Variants in CDK5RAP2 observed in about 807,000 individuals in gnomAD.
CDK5RAP2 encodes CDK5 regulatory subunit associated protein 2.
Under a neutral mutation model 232.9 loss-of-function variants are expected in CDK5RAP2, and 147 were observed. The ratio of observed to expected loss-of-function variants is 0.63; its 90% CI spans 0.55 to 0.72. The LOEUF (loss-of-function observed/expected upper bound fraction) is 0.72. Among genes scored for constraint, CDK5RAP2 ranks in the 30% least tolerant of loss-of-function variants. The probability of loss-of-function intolerance (pLI) is 0.00; values close to 1 mark genes in which losing one functional copy is unlikely to be tolerated. For synonymous variants in CDK5RAP2, 833 were observed against 833.7 expected, an observed-to-expected ratio of 1.00 and a Z score of 0.01; for missense variants, 2,195 against 2,231.5, an observed-to-expected ratio of 0.98 and a Z score of 0.33.
chr9:120,576,275 T>G lies in CDK5RAP2; in HGVS notation c.59+3645A>C, dbSNP rs557919900. Among the ~76,000 whole-genome samples, 11 of 152,354 alleles carry G rather than the reference T, an allele frequency of 7.2e-5. No homozygotes were observed. In the South Asian group the frequency reaches 2.1e-3, roughly 29 times the overall value. ...AATAGATGACAAGAAGTGGAATTGCTGGGTCAAAATATATTCACGTTTTTT... is the reference window on the plus strand; with the variant it reads ...AATAGATGACAAGAAGTGGAATTGCGGGGTCAAAATATATTCACGTTTTTT... On this transcript the variant is annotated intron_variant, in intron 1 of 37. Transcript: ENST00000349780.
At chr9:120,450,117 T>A (rs1267954253) in intron 21 of CDK5RAP2, among the ~76,000 whole-genome samples, 3 of 152,178 alleles carry the variant, frequency 2.0e-5, no homozygotes, top group African/African-American at 7.2e-5. Flanking sequence ...CAAATGTGCA[T>A]CAACTAATGA....
intron 12 of CDK5RAP2, among the ~76,000 whole-genome samples, chr9:120,506,709 G>A (rs1364448168): frequency 6.6e-6 from 1 of 152,182 alleles, no homozygotes; most frequent in Non-Finnish European, 1.5e-5. Context: ...GAAATAGCAA[G>A]AGAACTAGAA....
chr9:120,448,247 TC>T, intron 21 of CDK5RAP2, 121 bp from the exon 22 acceptor site: 1 of 810,792 alleles, frequency 1.2e-6, no homozygotes, highest in Non-Finnish European at 2.1e-6. Flanking sequence ...GACTTCTCGT[TC>T]CCATAATGGC....
In CDK5RAP2 at chr9:120,407,013, G is replaced by GT; in HGVS notation, c.4961dup (p.His1654GlnfsTer4). 6.2e-7 allele frequency: 1 copy of GT among 1,610,004 alleles called. No homozygotes were observed. The highest frequency in any genetic ancestry group is 8.5e-7 in the Non-Finnish European group (1 of 1,176,272). On this transcript the variant is annotated frameshift_variant and splice_region_variant, in exon 32 of 38. Coordinates refer to ENST00000349780, the MANE Select transcript of CDK5RAP2 (RefSeq NM_018249.6). LOFTEE classifies it high-confidence loss of function. ...AGTGGGGAGAGGCAGGGGCAGTACC[G>GT]TGTTTGTCAGGCTGAAGGGGCACCT...
At chr9:120,554,371 T>C (rs1206596411) in intron 3 of CDK5RAP2, among the ~76,000 whole-genome samples, 1 of 152,232 alleles carries the variant, frequency 6.6e-6, no homozygotes, top group East Asian at 1.9e-4. Context: ...CACATTATAG[T>C]TCATGCATCT....
chr9:120,463,717 C>G (rs2037216701), intron 18 of CDK5RAP2, among the ~76,000 whole-genome samples: 1 of 152,188 alleles, frequency 6.6e-6, no homozygotes, highest in African/African-American at 2.4e-5. Context: ...GAACCACAAC[C>G]ATGCCAATGC....
chr9:120,476,062 A>C (rs2037990520), intron 15 of CDK5RAP2, among the ~76,000 whole-genome samples: 1 of 152,162 alleles, frequency 6.6e-6, no homozygotes, highest in African/African-American at 2.4e-5. Context: ...TGGGAATAGA[A>C]GGGTAGGAAA....
At chr9:120,540,473 CTTG>C (rs1476357574) in intron 5 of CDK5RAP2, among the ~76,000 whole-genome samples, 3 of 152,212 alleles carry the variant, frequency 2.0e-5, no homozygotes, top group Non-Finnish European at 2.9e-5. Flanking sequence ...GAGGGCCATA[CTTG>C]TTGTCCAAAT....
At chr9:120,579,770 C>T in intron 1 of CDK5RAP2, 150 bp downstream of exon 1, 1 of 641,328 alleles carries the variant, frequency 1.6e-6, no homozygotes. Flanking sequence ...AGGTGGTGGG[C>T]CCCCCAGAGA....
chr9:120,525,989 C>A (rs376483470), intron 10 of CDK5RAP2, among the ~76,000 whole-genome samples: 6 of 152,222 alleles, frequency 3.9e-5, no homozygotes, highest in Non-Finnish European at 7.3e-5. Context: ...CTTAGCAACA[C>A]CCCCAGTTTC....
intron 18 of CDK5RAP2, among the ~76,000 whole-genome samples, chr9:120,465,699 C>T (rs989543999): frequency 6.7e-6 from 1 of 148,734 alleles, no homozygotes; most frequent in African/African-American, 2.5e-5. Flanking sequence ...TGGGAATCAA[C>T]TCTAAGGAAA....
At chr9:120,454,002 C>A (rs1358665657) in intron 20 of CDK5RAP2, 129 bp from the exon 21 acceptor site, 6 of 896,476 alleles carry the variant, frequency 6.7e-6, no homozygotes, top group East Asian at 2.5e-5. Flanking sequence ...CAGTGTGTAC[C>A]CACAACGTGC....
intron 12 of CDK5RAP2, among the ~76,000 whole-genome samples, chr9:120,512,554 T>C (rs111540009): frequency 0.011 from 1,629 of 152,352 alleles, 32 homozygotes; most frequent in African/African-American, 0.037. Flanking sequence ...TGGGTGTTCT[T>C]GAGAATGTAT....
At chr9:120,394,685 AT>A (rs1225852793) in intron 35 of CDK5RAP2, 47 bp from the exon 36 acceptor site, 4 of 1,391,814 alleles carry the variant, frequency 2.9e-6, no homozygotes, top group Non-Finnish European at 3.1e-6. Context: ...CATAAACATC[AT>A]GTTACACAGG....
intron 25 of CDK5RAP2, among the ~76,000 whole-genome samples, chr9:120,434,273 A>C (rs1396579401): frequency 1.3e-5 from 2 of 152,140 alleles, no homozygotes. Context: ...AAAGCCCCTG[A>C]AGGAGGAGCT....
chr9:120,547,129 T>A (rs932356495), intron 4 of CDK5RAP2, among the ~76,000 whole-genome samples: 2 of 151,836 alleles, frequency 1.3e-5, no homozygotes, highest in Non-Finnish European at 2.9e-5. Flanking sequence ...GGGATTATAG[T>A]AGGCACCTGC....
chr9:120,460,672 A>C lies in CDK5RAP2; in HGVS notation c.2107-5T>G. ...GTCCTCCTTGCTAGCCAGAAGCTAC[A>C]TGGAGCATGGAATGGTGTGAAAATG... On this transcript the variant is annotated splice_region_variant and splice_polypyrimidine_tract_variant and intron_variant, in intron 18 of 37. Transcript: ENST00000349780. The C allele has an allele frequency of 6.2e-7, 1 of 1,614,050 alleles. No homozygotes were observed. Among genetic ancestry groups the C allele is most frequent in the South Asian group, 1.1e-5 (1 of 91,076 alleles).
chr9:120,543,985 T>C (rs905811556), intron 5 of CDK5RAP2, among the ~76,000 whole-genome samples: 1 of 152,200 alleles, frequency 6.6e-6, no homozygotes, highest in Non-Finnish European at 1.5e-5. Context: ...TCACTCCCAC[T>C]AGAATGTGAG....
chr9:120,548,507 A>T (rs2041932623), intron 4 of CDK5RAP2, among the ~76,000 whole-genome samples: 1 of 152,248 alleles, frequency 6.6e-6, no homozygotes, highest in South Asian at 2.1e-4. Context: ...GAATATTATG[A>T]AACTATTAAA....
Sources: allele counts gnomAD v4.1 joint callset (sites outside exome capture counted in the v4.1 genomes callset), GRCh38; gene constraint gnomAD v4.1.1; transcripts MANE v1.5; gene names NCBI Gene and HGNC (gene_info 2026-07-23, HGNC 2026-07-21).